The following KLHDC10 variants were observed in gnomAD, a reference collection of about 807,000 sequenced individuals.
KLHDC10 encodes kelch domain-containing protein 10.
A neutral mutation model predicts 56.1 loss-of-function variants in KLHDC10; 24 were observed. The ratio of observed to expected loss-of-function variants is 0.43; its 90% CI spans 0.31 to 0.60. KLHDC10 has a LOEUF of 0.60. Among genes scored for constraint, KLHDC10 ranks in the 20% least tolerant of loss-of-function variants. The pLI is 0.11. For synonymous variants in KLHDC10, 188 were observed against 207.1 expected (o/e 0.91, Z 0.79); for missense variants, 349 against 567.0 (o/e 0.62, Z 3.91).
At chr7:130,108,723 A>G (rs1796055869) in intron 2 of KLHDC10, among the ~76,000 whole-genome samples, 1 of 145,280 alleles carries the variant, frequency 6.9e-6, no homozygotes, top group South Asian at 2.3e-4. Flanking sequence ...CCCCATCTCA[A>G]ACAAAAAAAA....
chr7:130,104,270 A>G (rs995605469), intron 2 of KLHDC10, among the ~76,000 whole-genome samples: 1 of 152,104 alleles, frequency 6.6e-6, no homozygotes, highest in Non-Finnish European at 1.5e-5. Flanking sequence ...ATATAAATAG[A>G]CTTGTGCAGT....
At chr7:130,075,722 T>C (rs1259744119) in intron 1 of KLHDC10, among the ~76,000 whole-genome samples, 1 of 152,234 alleles carries the variant, frequency 6.6e-6, no homozygotes, top group Non-Finnish European at 1.5e-5. Context: ...TGTTTACTGC[T>C]TAAATTTTGA....
chr7:130,112,623 A>T (rs1052797211), intron 2 of KLHDC10, among the ~76,000 whole-genome samples: 8 of 152,192 alleles, frequency 5.3e-5, no homozygotes, highest in Non-Finnish European at 8.8e-5. Flanking sequence ...GCTATATTTC[A>T]CCTAATAAAA....
intron 1 of KLHDC10, among the ~76,000 whole-genome samples, chr7:130,071,249 G>A (rs943510858): frequency 6.6e-6 from 1 of 152,230 alleles, no homozygotes; most frequent in African/African-American, 2.4e-5. Flanking sequence ...ACTACACGGG[G>A]CGTGTGTGTA....
At chr7:130,078,497 A>G (rs1795548759) in intron 1 of KLHDC10, among the ~76,000 whole-genome samples, 1 of 152,022 alleles carries the variant, frequency 6.6e-6, no homozygotes. Context: ...GATTACAGGT[A>G]TAAGCCTCCG....
intron 1 of KLHDC10, among the ~76,000 whole-genome samples, chr7:130,085,930 G>T (rs1795683948): frequency 6.6e-6 from 1 of 151,956 alleles, no homozygotes; most frequent in Non-Finnish European, 1.5e-5. Context: ...ATCTTACAGG[G>T]TATAGTAGGC....
chr7:130,080,961 A>G (rs1024402330), intron 1 of KLHDC10, among the ~76,000 whole-genome samples: 2 of 148,078 alleles, frequency 1.4e-5, no homozygotes, highest in African/African-American at 2.5e-5. Context: ...CTTAGTTCCA[A>G]TATTTTCTTT....
intron 1 of KLHDC10, among the ~76,000 whole-genome samples, chr7:130,081,931 A>G (rs1369405838): frequency 6.6e-6 from 1 of 151,868 alleles, no homozygotes; most frequent in Non-Finnish European, 1.5e-5. Context: ...TCTTTTCTGG[A>G]CTTGAGACAT....
intron 1 of KLHDC10, among the ~76,000 whole-genome samples, chr7:130,077,589 TCTGTCGCCCAGG>T (rs1311086418): frequency 1.5e-5 from 2 of 137,866 alleles, no homozygotes; most frequent in Non-Finnish European, 3.1e-5. Flanking sequence ...GGAGTCTTGC[TCTGTCGCCCAGG>T]CTGGAGTGCA....
At chr7:130,110,555 C>A (rs554963131) in intron 2 of KLHDC10, among the ~76,000 whole-genome samples, 1 of 152,270 alleles carries the variant, frequency 6.6e-6, no homozygotes, top group Non-Finnish European at 1.5e-5. Flanking sequence ...TTGGTCTGAG[C>A]AACTTGGGCT....
At chr7:130,080,925 T>A (rs78542034) in intron 1 of KLHDC10, among the ~76,000 whole-genome samples, 1 of 152,176 alleles carries the variant, frequency 6.6e-6, no homozygotes, top group African/African-American at 2.4e-5. Flanking sequence ...CTTTCTTGTT[T>A]ATAACCGGCT....
At chr7:130,085,633 G>A (rs1054201844) in intron 1 of KLHDC10, among the ~76,000 whole-genome samples, 2 of 151,628 alleles carry the variant, frequency 1.3e-5, no homozygotes, top group Admixed American at 6.6e-5. Flanking sequence ...TCAGGAGTTC[G>A]AGACCAGCCT....
chr7:130,075,415 G>A (rs1159873498), intron 1 of KLHDC10, among the ~76,000 whole-genome samples: 4 of 152,134 alleles, frequency 2.6e-5, no homozygotes, highest in Non-Finnish European at 5.9e-5. Flanking sequence ...ATACAAAAAA[G>A]TATATGGTAA....
At chr7:130,104,134 G>T (rs1321161235) in intron 2 of KLHDC10, among the ~76,000 whole-genome samples, 1 of 152,138 alleles carries the variant, frequency 6.6e-6, no homozygotes, top group Non-Finnish European at 1.5e-5. Flanking sequence ...CATTCATTAA[G>T]TGGAAGTGGA....
chr7:130,129,719 G>A lies in KLHDC10; in HGVS notation c.1119+143G>A, dbSNP rs989966573. 57 of 710,544 alleles carry A rather than the reference G, an allele frequency of 8.0e-5. 1 individual carries two copies. The highest frequency in any genetic ancestry group is 1.2e-4 in the Non-Finnish European group (54 of 454,802). The allele number at this position is 710,544 out of a possible 1,614,324, so 44.0% of individuals were successfully genotyped here. A position where few individuals can be genotyped will look rare whatever the true frequency, so the allele number is the denominator to read the frequency against. Reference sequence around the variant, plus strand: ...TTTTTAAAACTTCCTTCCAAAGCTAGGCCCTCCTCTAAGAAAAGAGGAGAA... The same window carrying A: ...TTTTTAAAACTTCCTTCCAAAGCTAAGCCCTCCTCTAAGAAAAGAGGAGAA... On this transcript the variant is annotated intron_variant, in intron 9 of 9. Transcript: ENST00000335420.
intron 1 of KLHDC10, among the ~76,000 whole-genome samples, chr7:130,083,214 TG>T (rs1795633363): frequency 6.6e-6 from 1 of 152,204 alleles, no homozygotes; most frequent in African/African-American, 2.4e-5. Context: ...ACTAATTTAA[TG>T]GCTATATCAT....
Position 130,070,730 on chromosome 7 carries a change from G to C in KLHDC10, c.87G>C (p.Gly29=). ...GAGGGGSGAG[G]GSGGSGGRGT... ...GTGGCGGAGGTAGCGGGGCCGGCGGGGGCAGTGGGGGCAGCGGGGGTCGGG... is the reference window on the plus strand; with the variant it reads ...GTGGCGGAGGTAGCGGGGCCGGCGGCGGCAGTGGGGGCAGCGGGGGTCGGG... The change falls in exon 1 of 10, where the codon GGG becomes GGC. Residue 29 remains glycine (G), a synonymous_variant. Transcript: ENST00000335420. 1 of 1,281,632 alleles carries C rather than the reference G, an allele frequency of 7.8e-7. No homozygotes were observed. The highest frequency in any genetic ancestry group is 9.9e-7 in the Non-Finnish European group (1 of 1,011,772). The allele number at this position is 1,281,632 out of a possible 1,614,324, so 79.4% of individuals were successfully genotyped here. A position where few individuals can be genotyped will look rare whatever the true frequency, so the allele number is the denominator to read the frequency against.
At chr7:130,106,801 C>T (rs1796013581) in intron 2 of KLHDC10, among the ~76,000 whole-genome samples, 1 of 151,912 alleles carries the variant, frequency 6.6e-6, no homozygotes. Context: ...AACACTCTGT[C>T]TCTAAGAAAA....
At chr7:130,107,710 G>GGTGCACGCCTGTAATCCCAGCTACTCGC (rs1203534142) in intron 2 of KLHDC10, among the ~76,000 whole-genome samples, 1 of 151,842 alleles carries the variant, frequency 6.6e-6, no homozygotes, top group Non-Finnish European at 1.5e-5. Context: ...CGGGCGTCGT[G>GGTGCACGCCTGTAATCCCAGCTACTCGC]GTGCACGCCT....
Sources: allele counts gnomAD v4.1 joint callset (sites outside exome capture counted in the v4.1 genomes callset), GRCh38; gene constraint gnomAD v4.1.1; transcripts MANE v1.5; gene names NCBI Gene and HGNC (gene_info 2026-07-23, HGNC 2026-07-21).